The following GPC5 variants were observed in gnomAD, a reference collection of about 807,000 sequenced individuals.
The protein encoded by GPC5 is glypican 5.
GPC5 carries 47 observed loss-of-function variants against 53.9 expected under a neutral mutation model. That is an observed-to-expected ratio of 0.87 (90% CI 0.69 to 1.11). GPC5 has a LOEUF of 1.11. Ranked by LOEUF, GPC5 falls within the 50% of genes most tolerant of loss-of-function variation. The probability of loss-of-function intolerance (pLI) is 0.00; values close to 1 mark genes in which losing one functional copy is unlikely to be tolerated. For synonymous variants in GPC5, 286 were observed against 263.3 expected (o/e 1.09, Z -0.84); for missense variants, 748 against 713.1 (o/e 1.05, Z -0.56).
intron 7 of GPC5, among the ~76,000 whole-genome samples, chr13:92,153,779 C>T (rs546656324): frequency 1.3e-5 from 2 of 152,170 alleles, no homozygotes; most frequent in African/African-American, 4.8e-5. Flanking sequence ...CTTTTCTTCA[C>T]GTTCACTGAT....
intron 7 of GPC5, among the ~76,000 whole-genome samples, chr13:92,385,421 C>CAT (rs1555331914): frequency 0.012 from 360 of 29,950 alleles, 21 homozygotes; most frequent in Non-Finnish European, 0.027. Flanking sequence ...CATATATATA[C>CAT]ATATATACAT....
intron 2 of GPC5, among the ~76,000 whole-genome samples, chr13:91,680,027 G>C (rs1212822088): frequency 1.3e-5 from 2 of 152,084 alleles, no homozygotes; most frequent in Non-Finnish European, 2.9e-5. Context: ...TGAACGAAAT[G>C]AGTCTATAGC....
At chr13:92,509,534 C>A (rs748378167) in intron 7 of GPC5, 1 of 151,938 alleles carries the variant, frequency 6.6e-6, no homozygotes, top group East Asian at 1.9e-4. Flanking sequence ...GTGCCTCATG[C>A]AAAGGAGACA....
At chr13:92,612,186 C>A (rs1884460199) in intron 7 of GPC5, among the ~76,000 whole-genome samples, 1 of 152,072 alleles carries the variant, frequency 6.6e-6, no homozygotes, top group Admixed American at 6.6e-5. Context: ...AATCTGAATG[C>A]TGATAAATAA....
intron 7 of GPC5, among the ~76,000 whole-genome samples, chr13:92,282,878 A>G (rs906903054): frequency 6.6e-6 from 1 of 152,220 alleles, no homozygotes; most frequent in Admixed American, 6.5e-5. Context: ...ACAGGATCAA[A>G]TTCACACATA....
intron 3 of GPC5, among the ~76,000 whole-genome samples, chr13:91,696,711 A>G (rs1021858630): frequency 2.6e-5 from 4 of 152,206 alleles, no homozygotes; most frequent in African/African-American, 9.6e-5. Context: ...ATGAATTTCA[A>G]CTGGAAACAA....
intron 7 of GPC5, among the ~76,000 whole-genome samples, chr13:92,703,472 G>T (rs1397690029): frequency 6.6e-6 from 1 of 150,906 alleles, no homozygotes; most frequent in East Asian, 1.9e-4. Flanking sequence ...GAAAGTCTAG[G>T]GTTTTTTGTC....
intron 7 of GPC5, among the ~76,000 whole-genome samples, chr13:92,620,128 T>C (rs1359231785): frequency 2.0e-5 from 3 of 152,110 alleles, no homozygotes; most frequent in Non-Finnish European, 2.9e-5. Context: ...ACTTAATCTT[T>C]TTAATTTTTT....
intron 6 of GPC5, among the ~76,000 whole-genome samples, chr13:92,088,221 C>T (rs188911322): frequency 6.6e-6 from 1 of 152,162 alleles, no homozygotes; most frequent in Non-Finnish European, 1.5e-5. Context: ...CTCTTCCATA[C>T]CGTTCCACTC....
At chr13:92,490,436 C>T (rs527408675) in intron 7 of GPC5, among the ~76,000 whole-genome samples, 1 of 152,148 alleles carries the variant, frequency 6.6e-6, no homozygotes, top group South Asian at 2.1e-4. Flanking sequence ...AAAATGATGG[C>T]TCTCTAATCA....
intron 7 of GPC5, among the ~76,000 whole-genome samples, chr13:92,522,549 A>G (rs1881102519): frequency 1.3e-5 from 2 of 152,250 alleles, no homozygotes; most frequent in African/African-American, 4.8e-5. Flanking sequence ...GTTCTCACTC[A>G]TAGGTGGGAA....
At position 92,723,902 on chromosome 13, in the gene GPC5, A is replaced by C. The variant is rs566022304; in HGVS notation, c.1562-142380A>C. 2.0e-5 allele frequency among the ~76,000 whole-genome samples: 3 copies of C among 151,748 alleles called. No individual in the cohort carries two copies. In the East Asian group the frequency reaches 5.8e-4, roughly 29 times the overall value. ...AAAAACAATAGAGTACTTTGGAAAA[A>C]ATCTACCCCTTTCTGTTACTCTTTA... On this transcript the variant is annotated intron_variant, in intron 7 of 7. Coordinates refer to ENST00000377067, the MANE Select transcript of GPC5 (RefSeq NM_004466.6).
chr13:91,451,876 A>G (rs934823356), intron 2 of GPC5, among the ~76,000 whole-genome samples: 13 of 151,922 alleles, frequency 8.6e-5, no homozygotes, highest in African/African-American at 2.9e-4. Flanking sequence ...TCGCCCTCCC[A>G]AAGTGCTGGT....
chr13:92,346,785 T>C (rs1027574078), intron 7 of GPC5, among the ~76,000 whole-genome samples: 4 of 152,270 alleles, frequency 2.6e-5, no homozygotes, highest in Non-Finnish European at 4.4e-5. Flanking sequence ...TAAGAATATA[T>C]GGATAAAAAA....
chr13:91,984,402 G>A (rs1047752887), intron 6 of GPC5, among the ~76,000 whole-genome samples: 14 of 152,154 alleles, frequency 9.2e-5, no homozygotes, highest in Admixed American at 2.0e-4. Context: ...ACAGCCAATG[G>A]CATTGAGTAG....
intron 7 of GPC5, among the ~76,000 whole-genome samples, chr13:92,393,946 C>T (rs569016240): frequency 3.9e-5 from 6 of 151,946 alleles, no homozygotes; most frequent in Non-Finnish European, 8.8e-5. Flanking sequence ...GTCTTTAATT[C>T]AGATGAACTT....
intron 2 of GPC5, among the ~76,000 whole-genome samples, chr13:91,529,754 A>C (rs1377053311): frequency 6.6e-6 from 1 of 152,200 alleles, no homozygotes; most frequent in Non-Finnish European, 1.5e-5. Flanking sequence ...AGTAGTCAAC[A>C]TTCCTCATAA....
chr13:92,146,255 C>A (rs1453522179), intron 7 of GPC5, among the ~76,000 whole-genome samples: 3 of 151,928 alleles, frequency 2.0e-5, no homozygotes, highest in Non-Finnish European at 4.4e-5. Context: ...AGATTGGTTT[C>A]TCCTTTTTTT....
At chr13:92,105,435 A>G (rs1267714693) in intron 6 of GPC5, among the ~76,000 whole-genome samples, 1 of 152,142 alleles carries the variant, frequency 6.6e-6, no homozygotes, top group African/African-American at 2.4e-5. Flanking sequence ...TTTGATATTT[A>G]CCGAATATTT....
Sources: allele counts gnomAD v4.1 joint callset (sites outside exome capture counted in the v4.1 genomes callset), GRCh38; gene constraint gnomAD v4.1.1; transcripts MANE v1.5; gene names NCBI Gene and HGNC (gene_info 2026-07-23, HGNC 2026-07-21).